Variants in ATRN observed in about 807,000 individuals in gnomAD.
The protein encoded by ATRN is attractin-2.
In ATRN, 54 loss-of-function variants were observed where a neutral mutation model predicts 178.7. The observed-to-expected ratio is 0.30, with a 90% confidence interval of 0.24 to 0.38. ATRN has a LOEUF of 0.38. ATRN is among the 10% of genes least tolerant of loss of function. The pLI, the probability that ATRN is intolerant of heterozygous loss-of-function variation, is 1.00. For missense variants in ATRN, 1,443 were observed against 1,815.1 expected, an observed-to-expected ratio of 0.79 and a Z score of 3.73; for synonymous variants, 636 against 663.0, an observed-to-expected ratio of 0.96 and a Z score of 0.63.
rs1034829183 is a variant in ATRN, at chr20:3,575,516, A to AT, written c.2093-301dup. ...TTGGTGTTCATTCTATTACTAGTTG[A>AT]TTTTTTTTTTCTTGGAAAGAAAAGT... On this transcript the variant is annotated intron_variant, in intron 12 of 28. Transcript: ENST00000262919. Among the ~76,000 whole-genome samples, 385 of 149,836 alleles carry AT rather than the reference A, an allele frequency of 2.6e-3. 1 individual carries two copies. The highest frequency in any genetic ancestry group is 9.0e-3 in the African/African-American group (367 of 40,818).
chr20:3,609,660 C>A (rs8120227), intron 24 of ATRN, among the ~76,000 whole-genome samples: 3,670 of 151,426 alleles, frequency 0.024, 151 homozygotes, highest in African/African-American at 0.084. Flanking sequence ...AATGTGGAAA[C>A]AACCCAAATA....
At chr20:3,606,922 A>G (rs1334075012) in intron 24 of ATRN, among the ~76,000 whole-genome samples, 2 of 152,188 alleles carry the variant, frequency 1.3e-5, no homozygotes, top group Non-Finnish European at 2.9e-5. Flanking sequence ...ACTGAACCTC[A>G]AGTACTTGGT....
intron 24 of ATRN, among the ~76,000 whole-genome samples, chr20:3,617,043 A>G (rs1343086346): frequency 1.3e-5 from 2 of 152,214 alleles, no homozygotes; most frequent in African/African-American, 4.8e-5. Flanking sequence ...TGTTAGTATA[A>G]GGGCTTTACG....
At chr20:3,630,647 C>T (rs1044781649) in intron 25 of ATRN, among the ~76,000 whole-genome samples, 2 of 152,232 alleles carry the variant, frequency 1.3e-5, no homozygotes, top group Non-Finnish European at 2.9e-5. Flanking sequence ...AGTCCCTGGG[C>T]GACCGAATGA....
chr20:3,558,293 G>A (rs886778946), intron 6 of ATRN, among the ~76,000 whole-genome samples: 11 of 151,968 alleles, frequency 7.2e-5, no homozygotes, highest in Non-Finnish European at 1.5e-4. Flanking sequence ...TATGTTGCTG[G>A]CGTATATTTT....
intron 1 of ATRN, among the ~76,000 whole-genome samples, chr20:3,488,934 C>G (rs1481017824): frequency 2.6e-5 from 4 of 151,348 alleles, no homozygotes; most frequent in African/African-American, 9.7e-5. Context: ...AGATCTCTTT[C>G]CAAGATATTT....
chr20:3,544,785 A>G (rs2085674558), intron 3 of ATRN, among the ~76,000 whole-genome samples: 1 of 151,282 alleles, frequency 6.6e-6, no homozygotes, highest in Non-Finnish European at 1.5e-5. Context: ...TTATGGCTCT[A>G]GAGTCTTAAA....
chr20:3,558,870 T>C (rs1014867820), intron 6 of ATRN, among the ~76,000 whole-genome samples: 1 of 152,184 alleles, frequency 6.6e-6, no homozygotes, highest in Non-Finnish European at 1.5e-5. Context: ...TATTTTCTTT[T>C]TGGCATTTTT....
intron 3 of ATRN, among the ~76,000 whole-genome samples, chr20:3,542,352 C>G (rs1478445185): frequency 2.6e-5 from 4 of 152,114 alleles, no homozygotes. Flanking sequence ...GAACATGAGC[C>G]AAGCAGGTAT....
At chr20:3,536,671 G>T (rs140386994) in intron 2 of ATRN, among the ~76,000 whole-genome samples, 1,627 of 152,108 alleles carry the variant, frequency 0.011, 11 homozygotes, top group South Asian at 0.024. Context: ...TGAAAAAATG[G>T]CATTGTTTTA....
intron 1 of ATRN, among the ~76,000 whole-genome samples, chr20:3,525,882 G>A (rs1007814637): frequency 6.6e-6 from 1 of 152,106 alleles, no homozygotes; most frequent in East Asian, 1.9e-4. Flanking sequence ...AATAAACTAG[G>A]TATTGGTGGA....
chr20:3,565,276 C>G (rs2086015894), intron 10 of ATRN, 72 bp from the exon 11 acceptor site: 1 of 1,175,218 alleles, frequency 8.5e-7, no homozygotes, highest in South Asian at 1.4e-5. Flanking sequence ...TAGTATTTTT[C>G]CCAAAGAAAA....
chr20:3,535,291 G>A lies in ATRN; in HGVS notation c.449G>A (p.Gly150Glu), dbSNP rs370539496. ...TCTGGGTTTGTGACAGATGGACCTG[G>A]AAATTATAAATACAAAACGAAGTGC... ...GSSGFVTDGPGNYKYKTKCTW... is the reference protein window; with the variant it reads ...GSSGFVTDGPENYKYKTKCTW... The change falls in exon 2 of 29, where the codon GGA becomes GAA. Residue 150 changes from glycine (G) to glutamate (E), a missense_variant. By Grantham distance (98) the Gly-to-Glu change is moderately conservative. Transcript: ENST00000262919. The A allele has an allele frequency of 1.3e-6, 2 of 1,550,276 alleles. No homozygotes were observed. The highest frequency in any genetic ancestry group is 2.3e-5 in the East Asian group (1 of 43,264).
intron 1 of ATRN, among the ~76,000 whole-genome samples, chr20:3,500,319 C>T (rs906773705): frequency 2.6e-5 from 4 of 152,152 alleles, no homozygotes; most frequent in African/African-American, 4.8e-5. Flanking sequence ...TTTGACCCAG[C>T]CATCCCATTA....
At chr20:3,592,786 A>G (rs539118144) in intron 19 of ATRN, among the ~76,000 whole-genome samples, 28 of 152,308 alleles carry the variant, frequency 1.8e-4, no homozygotes, top group Non-Finnish European at 3.4e-4. Flanking sequence ...TGTTAAGATG[A>G]AAGCAGAGCA....
At chr20:3,560,278 A>C (rs1298189029) in intron 7 of ATRN, among the ~76,000 whole-genome samples, 1 of 152,194 alleles carries the variant, frequency 6.6e-6, no homozygotes, top group African/African-American at 2.4e-5. Flanking sequence ...TTTACTTAAC[A>C]TAATGACCTC....
chr20:3,504,559 C>G (rs919351530), intron 1 of ATRN, among the ~76,000 whole-genome samples: 1 of 150,394 alleles, frequency 6.6e-6, no homozygotes, highest in African/African-American at 2.4e-5. Context: ...GTGGCAGATG[C>G]CTGTAACCCC....
chr20:3,632,561 A>G lies in ATRN; in HGVS notation c.3864-1750A>G, dbSNP rs554572785. The stretch of plus-strand genomic sequence containing the variant: ...TGCAGGCGTCCATGAGCCACCTCCC[A>G]TACCTTCTCCAAGTCTTTGTTCAAA... On this transcript the variant is annotated intron_variant, in intron 25 of 28. Coordinates refer to ENST00000262919, the MANE Select transcript of ATRN (RefSeq NM_139321.3). The surrounding 1 kb of genome is among the most constrained non-coding windows in gnomAD (Gnocchi z 4.2). Among the ~76,000 whole-genome samples, 7 of 152,212 alleles carry G rather than the reference A, an allele frequency of 4.6e-5. No homozygotes were observed. The East Asian group carries it at 1.4e-3, about 29-fold the overall frequency.
At chr20:3,512,634 G>T (rs1345208581) in intron 1 of ATRN, among the ~76,000 whole-genome samples, 1 of 152,148 alleles carries the variant, frequency 6.6e-6, no homozygotes, top group East Asian at 1.9e-4. Context: ...GTAATGGGAT[G>T]GCTGGGTCAA....
Sources: allele counts gnomAD v4.1 joint callset (sites outside exome capture counted in the v4.1 genomes callset), GRCh38; gene constraint gnomAD v4.1.1; non-coding constraint Gnocchi (gnomAD v3.1); transcripts MANE v1.5; gene names NCBI Gene and HGNC (gene_info 2026-07-23, HGNC 2026-07-21).